The following PRKG1 variants were observed in gnomAD, a reference collection of about 807,000 sequenced individuals.
PRKG1 encodes the protein cGMP-dependent protein kinase 1.
PRKG1 carries 35 observed loss-of-function variants against 88.1 expected under a neutral mutation model. That is an observed-to-expected ratio of 0.40 (90% CI 0.30 to 0.53). The LOEUF (loss-of-function observed/expected upper bound fraction) is 0.53, where lower values mean the gene tolerates loss of function less well. Ranked by LOEUF, PRKG1 falls within the 20% of genes least tolerant of loss-of-function variation. The pLI, the probability that PRKG1 is intolerant of heterozygous loss-of-function variation, is 0.59. For synonymous variants in PRKG1, 303 were observed against 292.5 expected (o/e 1.04, Z -0.37); for missense variants, 540 against 839.8 (o/e 0.64, Z 4.41).
At chr10:51,147,829 G>A (rs1332787783) in intron 1 of PRKG1, among the ~76,000 whole-genome samples, 1 of 152,180 alleles carries the variant, frequency 6.6e-6, no homozygotes, top group African/African-American at 2.4e-5. Flanking sequence ...AGCAGAGTTG[G>A]TTGATGTGAA....
chr10:51,396,245 G>A (rs978848000), intron 2 of PRKG1, among the ~76,000 whole-genome samples: 1 of 152,022 alleles, frequency 6.6e-6, no homozygotes, highest in African/African-American at 2.4e-5. Context: ...GAAAAGAAAA[G>A]GTGTAATTAA....
chr10:51,034,317 C>T (rs1361051463), intron 1 of PRKG1, among the ~76,000 whole-genome samples: 1 of 151,938 alleles, frequency 6.6e-6, no homozygotes, highest in Non-Finnish European at 1.5e-5. Context: ...TATCTTTATT[C>T]CTCAGGCAAT....
intron 1 of PRKG1, among the ~76,000 whole-genome samples, chr10:51,033,666 A>G (rs1365857132): frequency 6.6e-6 from 1 of 152,196 alleles, no homozygotes; most frequent in Admixed American, 6.5e-5. Context: ...TTTAAATCAC[A>G]TGTCTTAAAA....
rs114940207 is a variant in PRKG1 at position 52,059,640 on chromosome 10, A to G, written c.841-2897A>G. Among the ~76,000 whole-genome samples the G allele has an allele frequency of 9.3e-3, 1,421 of 152,032 alleles. 25 individuals carry two copies. The highest frequency in any genetic ancestry group is 0.031 in the African/African-American group (1,305 of 41,532). ...GGTGAGGAATGAGAAGGATATGACT[A>G]TAAATACATAGCGTGAAGGAGTTTC... On this transcript the variant is annotated intron_variant, in intron 6 of 17. Transcript: ENST00000373980.
At chr10:51,366,947 G>A (rs983683717) in intron 2 of PRKG1, among the ~76,000 whole-genome samples, 7 of 151,764 alleles carry the variant, frequency 4.6e-5, no homozygotes, top group Non-Finnish European at 4.4e-5. Flanking sequence ...ACTAAACCAA[G>A]TGTTGTAATC....
intron 3 of PRKG1, among the ~76,000 whole-genome samples, chr10:51,637,109 A>G (rs1839675049): frequency 1.3e-5 from 2 of 152,242 alleles, no homozygotes; most frequent in African/African-American, 4.8e-5. Context: ...ATATAGGCAA[A>G]GAACATGAAC....
At chr10:51,883,935 G>A (rs1413618288) in intron 4 of PRKG1, among the ~76,000 whole-genome samples, 1 of 146,912 alleles carries the variant, frequency 6.8e-6, no homozygotes, top group Non-Finnish European at 1.5e-5. Context: ...CAATTATTAG[G>A]AAACTTTTCA....
At chr10:52,009,503 A>G (rs1844828263) in intron 5 of PRKG1, among the ~76,000 whole-genome samples, 1 of 152,166 alleles carries the variant, frequency 6.6e-6, no homozygotes, top group African/African-American at 2.4e-5. Context: ...ATTACAAAAC[A>G]CTGCTCAAAC....
At chr10:52,180,255 A>G (rs1177929887) in intron 9 of PRKG1, among the ~76,000 whole-genome samples, 1 of 152,168 alleles carries the variant, frequency 6.6e-6, no homozygotes, top group African/African-American at 2.4e-5. Context: ...GAGCTCTAAA[A>G]TCTATTTGAT....
intron 2 of PRKG1, among the ~76,000 whole-genome samples, chr10:51,236,434 G>C (rs1235691410): frequency 6.6e-6 from 1 of 151,900 alleles, no homozygotes; most frequent in African/African-American, 2.4e-5. Context: ...ACTCAGAAAT[G>C]AGGAAAGTAG....
chr10:51,225,766 A>G (rs1181378336), intron 2 of PRKG1, among the ~76,000 whole-genome samples: 1 of 152,186 alleles, frequency 6.6e-6, no homozygotes, highest in Non-Finnish European at 1.5e-5. Context: ...TTAAAAAAAT[A>G]CTGATTTAGA....
chr10:51,467,337 A>G (rs1839930410), intron 2 of PRKG1, among the ~76,000 whole-genome samples: 1 of 152,026 alleles, frequency 6.6e-6, no homozygotes, highest in African/African-American at 2.4e-5. Context: ...CTTACTAATG[A>G]GAATTTTCAA....
chr10:52,267,682 TAC>T (rs932750208), intron 10 of PRKG1, among the ~76,000 whole-genome samples: 31 of 152,180 alleles, frequency 2.0e-4, no homozygotes, highest in Admixed American at 1.2e-3. Context: ...CACACTAACA[TAC>T]GAACACACTG....
chr10:51,671,195 T>C (rs1471086310), intron 3 of PRKG1, among the ~76,000 whole-genome samples: 1 of 152,220 alleles, frequency 6.6e-6, no homozygotes, highest in Non-Finnish European at 1.5e-5. Context: ...TCTAAGTCAA[T>C]AGCTATTTTC....
At chr10:51,947,057 C>T (rs1301391625) in intron 5 of PRKG1, among the ~76,000 whole-genome samples, 1 of 152,080 alleles carries the variant, frequency 6.6e-6, no homozygotes, top group East Asian at 1.9e-4. Context: ...CTGTGCCCTG[C>T]CCCCAGATGT....
intron 2 of PRKG1, among the ~76,000 whole-genome samples, chr10:51,461,904 C>G (rs572931207): frequency 9.2e-5 from 14 of 152,272 alleles, no homozygotes; most frequent in South Asian, 2.1e-4. Context: ...GACAGCACCC[C>G]CCATCTAAAA....
intron 3 of PRKG1, among the ~76,000 whole-genome samples, chr10:51,694,546 A>G (rs1419332237): frequency 1.3e-5 from 2 of 152,216 alleles, no homozygotes; most frequent in African/African-American, 4.8e-5. Flanking sequence ...ATCATCAGTA[A>G]TATTAGGGCA....
At chr10:51,168,698 T>C (rs1846616543) in intron 2 of PRKG1, among the ~76,000 whole-genome samples, 1 of 152,178 alleles carries the variant, frequency 6.6e-6, no homozygotes, top group Admixed American at 6.5e-5. Context: ...ACATATCAGA[T>C]ACTGATGTTT....
intron 1 of PRKG1, among the ~76,000 whole-genome samples, chr10:50,998,601 A>AG (rs199976155): frequency 0.017 from 2,578 of 152,220 alleles, 31 homozygotes; most frequent in East Asian, 0.041. Context: ...TACAAAAATT[A>AG]GCCAGGCATG....
Sources: allele counts gnomAD v4.1 joint callset (sites outside exome capture counted in the v4.1 genomes callset), GRCh38; gene constraint gnomAD v4.1.1; transcripts MANE v1.5; gene names NCBI Gene and HGNC (gene_info 2026-07-23, HGNC 2026-07-21).